The following TFDP1 variants were observed in gnomAD, a reference collection of about 807,000 sequenced individuals.
TFDP1 encodes the protein DRTF1-polypeptide 1.
A neutral mutation model predicts 48.0 loss-of-function variants in TFDP1; 6 were observed. The ratio of observed to expected loss-of-function variants is 0.13; its 90% CI spans 0.07 to 0.25. The LOEUF is 0.25. Among genes scored for constraint, TFDP1 ranks in the 10% least tolerant of loss-of-function variants. The pLI is 1.00. For missense variants in TFDP1, 335 were observed against 543.0 expected, an observed-to-expected ratio of 0.62 and a Z score of 3.81; for synonymous variants, 201 against 211.6, an observed-to-expected ratio of 0.95 and a Z score of 0.44.
chr13:113,613,089 T>C (rs2048747305), intron 3 of TFDP1, among the ~76,000 whole-genome samples: 1 of 152,216 alleles, frequency 6.6e-6, no homozygotes, highest in Admixed American at 6.5e-5. Context: ...CCGTCTCGGC[T>C]CACTGCAACC....
rs1410664263 is a variant in TFDP1 at position 113,625,700 on chromosome 13, CTCAGGCGTCTCTCACATGTCT to C, written c.186+2430_186+2450del. Reference sequence around the variant, plus strand: ...GTCTCTCACGTGTCCTCAGGTGTCTCTCAGGCGTCTCTCACATGTCTTCAGGCGTCTCTCACGTGTCCTCAG... The same window carrying C: ...GTCTCTCACGTGTCCTCAGGTGTCTCTCAGGCGTCTCTCACGTGTCCTCAG... On this transcript the variant is annotated intron_variant, in intron 4 of 11. Transcript: ENST00000375370. Among the ~76,000 whole-genome samples, 214 of 127,398 alleles carry C rather than the reference CTCAGGCGTCTCTCACATGTCT, an allele frequency of 1.7e-3. 28 individuals carry two copies. The highest frequency in any genetic ancestry group is 2.7e-3 in the Non-Finnish European group (166 of 61,678). 83.6% of individuals were successfully genotyped at this position (127,398 alleles called of 152,430 possible).
chr13:113,634,994 G>A (rs1363161516), intron 8 of TFDP1, among the ~76,000 whole-genome samples: 1 of 152,226 alleles, frequency 6.6e-6, no homozygotes, highest in Non-Finnish European at 1.5e-5. Flanking sequence ...GACAGATGGA[G>A]GGATGACTTC....
At chr13:113,603,979 G>A (rs1273076610) in intron 2 of TFDP1, among the ~76,000 whole-genome samples, 3 of 151,916 alleles carry the variant, frequency 2.0e-5, no homozygotes, top group Non-Finnish European at 4.4e-5. Context: ...CCTGGGCAGC[G>A]TAATGAGACC....
chr13:113,601,279 C>T (rs530580272), intron 2 of TFDP1, among the ~76,000 whole-genome samples: 6 of 144,738 alleles, frequency 4.1e-5, no homozygotes, highest in South Asian at 4.4e-4. Context: ...CTGTCCCGGG[C>T]GGCCCTGGCC....
rs575222188 is a variant in TFDP1, at chr13:113,631,467, A to C, written c.187-156A>C. ...GGGGTGATGCCGTCACCGTGACAAA[A>C]GCGTCCACCGCTGGACGTTTTTCCT... is the stretch of plus-strand genomic sequence containing the variant. On this transcript the variant is annotated intron_variant, in intron 4 of 11. Coordinates refer to ENST00000375370, the MANE Select transcript of TFDP1 (RefSeq NM_007111.5). 3.3e-5 allele frequency among the ~76,000 whole-genome samples: 5 copies of C among 152,168 alleles called. No individual in the cohort carries two copies. The South Asian group carries it at 1.0e-3, about 32-fold the overall frequency.
chr13:113,604,588 G>A (rs2048518304), intron 2 of TFDP1, among the ~76,000 whole-genome samples: 1 of 152,180 alleles, frequency 6.6e-6, no homozygotes, highest in Non-Finnish European at 1.5e-5. Context: ...CTGTTGCCCA[G>A]CAGGCCAGCG....
At chr13:113,612,200 C>G (rs912664375) in intron 3 of TFDP1, among the ~76,000 whole-genome samples, 1 of 152,168 alleles carries the variant, frequency 6.6e-6, no homozygotes, top group Non-Finnish European at 1.5e-5. Context: ...TGCCATCTGC[C>G]TCCAACCCCT....
chr13:113,612,650 G>A (rs2140409754), intron 3 of TFDP1, among the ~76,000 whole-genome samples: 1 of 152,336 alleles, frequency 6.6e-6, no homozygotes, highest in Non-Finnish European at 1.5e-5. Flanking sequence ...CTATGGTGTT[G>A]AATTTGAATT....
rs147998302 is a variant in TFDP1, at chr13:113,626,949, T to A, written c.186+3663T>A. ...ACTGGGGGGAAACGAATGAGAAGAT[T>A]ATCTTATTGATGTGCTTTAAACTTC... On this transcript the variant is annotated intron_variant, in intron 4 of 11. Transcript: ENST00000375370. Among the ~76,000 whole-genome samples, 1,150 of 152,336 alleles carry A rather than the reference T, an allele frequency of 7.5e-3. 11 individuals carry two copies. Among genetic ancestry groups the A allele is most frequent in the Admixed American group, 0.012 (189 of 15,294 alleles).
At chr13:113,588,238 T>C (rs924991434) in intron 2 of TFDP1, among the ~76,000 whole-genome samples, 1 of 152,190 alleles carries the variant, frequency 6.6e-6, no homozygotes, top group Non-Finnish European at 1.5e-5. Context: ...GCTGTGCCAC[T>C]TGGGTTGAAG....
intron 2 of TFDP1, among the ~76,000 whole-genome samples, chr13:113,593,241 C>T (rs1313038715): frequency 1.7e-5 from 2 of 121,064 alleles, no homozygotes; most frequent in East Asian, 2.5e-4. Flanking sequence ...GCTGTGCACG[C>T]GTCCTCAGCT....
intron 3 of TFDP1, among the ~76,000 whole-genome samples, 185 bp downstream of exon 3, chr13:113,611,247 A>G (rs373462869): frequency 1.3e-5 from 2 of 152,292 alleles, no homozygotes; most frequent in South Asian, 4.1e-4. Flanking sequence ...CAGCCTGCAC[A>G]CACACCAGTA....
chr13:113,621,985 G>A (rs1041107435), intron 3 of TFDP1, among the ~76,000 whole-genome samples: 3 of 152,210 alleles, frequency 2.0e-5, no homozygotes, highest in African/African-American at 7.2e-5. Context: ...ATTAGTGAAA[G>A]TACTAAAAGT....
chr13:113,593,811 G>A (rs2048212295), intron 2 of TFDP1, among the ~76,000 whole-genome samples: 1 of 144,324 alleles, frequency 6.9e-6, no homozygotes, highest in Non-Finnish European at 1.5e-5. Context: ...GCTATACACA[G>A]GTGTCAGGCG....
At chr13:113,629,752 C>A (rs539977240) in intron 4 of TFDP1, among the ~76,000 whole-genome samples, 1 of 145,040 alleles carries the variant, frequency 6.9e-6, no homozygotes, top group South Asian at 2.1e-4. Context: ...CTTGTAAGTT[C>A]CTCGTTGTAA....
intron 8 of TFDP1, among the ~76,000 whole-genome samples, chr13:113,634,905 CTGTGTGCG>C (rs367544323): frequency 6.6e-6 from 1 of 150,736 alleles, no homozygotes; most frequent in African/African-American, 2.4e-5. Flanking sequence ...GTGCATGTGC[CTGTGTGCG>C]TGTGTGTGTG....
intron 2 of TFDP1, among the ~76,000 whole-genome samples, chr13:113,587,562 G>A: frequency 7.0e-6 from 1 of 141,908 alleles, no homozygotes; most frequent in Non-Finnish European, 1.5e-5. Flanking sequence ...TTGGCTCACT[G>A]CAACCTCTGT....
chr13:113,584,840 A>ACCGCGCCCTCT lies in TFDP1; in HGVS notation c.-107_-97dup, dbSNP rs1223169085. 1.4e-5 allele frequency: 2 copies of ACCGCGCCCTCT among 145,458 alleles called. No individual in the cohort carries two copies. The highest frequency in any genetic ancestry group is 3.0e-5 in the Non-Finnish European group (2 of 65,606). 9.0% of individuals were successfully genotyped at this position (145,458 alleles called of 1,614,324 possible). A position where few individuals can be genotyped will look rare whatever the true frequency, so the allele number is the denominator to read the frequency against. ...CTCTCCGCGCCGCCCCGCGCTCCGC[A>ACCGCGCCCTCT]CCGCGCCCTCTCCGCGTCCCCGCCC... On this transcript the variant is annotated 5_prime_UTR_variant, in exon 1 of 12. Coordinates refer to ENST00000375370, the MANE Select transcript of TFDP1 (RefSeq NM_007111.5).
intron 2 of TFDP1, among the ~76,000 whole-genome samples, chr13:113,593,335 C>T: frequency 7.3e-6 from 1 of 137,132 alleles, no homozygotes; most frequent in African/African-American, 2.9e-5. Context: ...CTCAGCCCTG[C>T]CCAGGTGACA....
Sources: gnomAD v4.1 joint callset for allele counts (sites outside exome capture counted in the v4.1 genomes callset) on GRCh38, gnomAD v4.1.1 for gene constraint, MANE v1.5 for transcripts, NCBI Gene and HGNC (gene_info 2026-07-23, HGNC 2026-07-21) for gene names.